The following RAC1 variants were observed in gnomAD, a reference collection of about 807,000 sequenced individuals.
RAC1 encodes Rac family small GTPase 1, also known as ras-related C3 botulinum toxin substrate 1.
Under a neutral mutation model 25.2 loss-of-function variants are expected in RAC1, and 2 were observed. The ratio of observed to expected loss-of-function variants is 0.08; its 90% CI spans 0.03 to 0.25. The LOEUF (loss-of-function observed/expected upper bound fraction) is 0.25. RAC1 is among the 10% of genes least tolerant of loss of function. RAC1 has a pLI of 1.00. For synonymous variants in RAC1, 88 were observed against 94.0 expected (o/e 0.94, Z 0.37); for missense variants, 50 against 235.7 (o/e 0.21, Z 5.16).
At chr7:6,388,970 A>G (rs576379654) in intron 2 of RAC1, among the ~76,000 whole-genome samples, 10 of 149,916 alleles carry the variant, frequency 6.7e-5, no homozygotes, top group Non-Finnish European at 1.0e-4. Context: ...GGAGGCCAAG[A>G]CGGAAGGATC....
rs35767264 is a variant in RAC1 at position 6,375,029 on chromosome 7, C to G, written c.35+259C>G. ...GCTAGAGGGAAAAGTGAACTCCACC[C>G]TCCGGCTTTCTTCCCGGACGCCGCC... On this transcript the variant is annotated intron_variant, in intron 1 of 5. Coordinates refer to ENST00000348035, the MANE Select transcript of RAC1 (RefSeq NM_006908.5). 8.7e-3 allele frequency among the ~76,000 whole-genome samples: 1,315 copies of G among 151,760 alleles called. 24 individuals are homozygous for G. Among genetic ancestry groups the G allele is most frequent in the African/African-American group, 0.03 (1,257 of 41,440 alleles).
At chr7:6,401,432 T>C (rs1235073241) in intron 4 of RAC1, among the ~76,000 whole-genome samples, 1 of 152,224 alleles carries the variant, frequency 6.6e-6, no homozygotes, top group Non-Finnish European at 1.5e-5. Context: ...AGGGGCATTT[T>C]CAGTGGAGAT....
intron 1 of RAC1, among the ~76,000 whole-genome samples, chr7:6,376,176 C>A (rs1298993457): frequency 1.5e-5 from 1 of 65,514 alleles, no homozygotes; most frequent in African/African-American, 6.3e-5. Context: ...GCTATTCAGG[C>A]TTTTTTTTTT....
Position 6,376,672 on chromosome 7 carries a change from G to GT in RAC1, c.35+1920dup, listed in dbSNP as rs71008385. ...GCAAGCCACCATGCCCAGCTAATTT[G>GT]TTTTTTTTTTTTTTTTTTGTATTTT... On this transcript the variant is annotated intron_variant, in intron 1 of 5. Transcript: ENST00000348035. Among the ~76,000 whole-genome samples, 327 of 99,900 alleles carry GT rather than the reference G, an allele frequency of 3.3e-3. 3 individuals carry two copies. Among genetic ancestry groups the GT allele is most frequent in the Middle Eastern group, 6.9e-3 (1 of 144 alleles). 65.5% of individuals were successfully genotyped at this position (99,900 alleles called of 152,430 possible).
intron 2 of RAC1, among the ~76,000 whole-genome samples, chr7:6,389,414 C>T (rs1343920218): frequency 6.6e-6 from 1 of 150,894 alleles, no homozygotes; most frequent in Non-Finnish European, 1.5e-5. Context: ...AAAAAGTTTG[C>T]TCACGCCTGT....
At chr7:6,402,130 G>GC (rs1402519300) in intron 5 of RAC1, 103 bp downstream of exon 5, 1 of 1,460,202 alleles carries the variant, frequency 6.8e-7, no homozygotes, top group African/African-American at 1.4e-5. Flanking sequence ...CCCACTCAGG[G>GC]CCTGGTGTAC....
intron 1 of RAC1, among the ~76,000 whole-genome samples, chr7:6,386,814 GAAAA>G: frequency 6.7e-6 from 1 of 149,520 alleles, no homozygotes; most frequent in South Asian, 2.1e-4. Flanking sequence ...AGAAAAAAAA[GAAAA>G]AAAGAAAATA....
At chr7:6,400,063 G>C (rs1351150694) in intron 3 of RAC1, 63 bp from the exon 4 acceptor site, 1 of 1,445,828 alleles carries the variant, frequency 6.9e-7, no homozygotes, top group Non-Finnish European at 9.7e-7. Context: ...CATGTAGAAA[G>C]CAAAGTGCAT....
chr7:6,382,096 C>T (rs920108230), intron 1 of RAC1, among the ~76,000 whole-genome samples: 4 of 152,054 alleles, frequency 2.6e-5, no homozygotes, highest in South Asian at 2.1e-4. Context: ...TGGCCTCAAG[C>T]GATACTTCTG....
At chr7:6,382,196 T>G (rs1371671879) in intron 1 of RAC1, among the ~76,000 whole-genome samples, 1 of 152,166 alleles carries the variant, frequency 6.6e-6, no homozygotes, top group Non-Finnish European at 1.5e-5. Context: ...AGTTTCGCTG[T>G]GTTGGTCAGT....
At position 6,379,124 on chromosome 7, in the gene RAC1, G is replaced by A. The variant is rs945814318; in HGVS notation, c.35+4354G>A. Among the ~76,000 whole-genome samples the A allele has an allele frequency of 2.6e-5, 4 of 151,938 alleles. No individual in the cohort carries two copies. The East Asian group carries it at 7.7e-4, about 29-fold the overall frequency. On this transcript the variant is annotated intron_variant, in intron 1 of 5. Coordinates refer to ENST00000348035, the MANE Select transcript of RAC1 (RefSeq NM_006908.5). The stretch of plus-strand genomic sequence containing the variant: ...AAAAAAAGACAGCATCTTACATTCA[G>A]GTATTTATAAACAACTTTTATTATT...
At chr7:6,396,805 C>T (rs573237772) in intron 3 of RAC1, among the ~76,000 whole-genome samples, 1 of 152,144 alleles carries the variant, frequency 6.6e-6, no homozygotes, top group East Asian at 1.9e-4. Context: ...CCGAGGTGGG[C>T]GGATCACGAG....
chr7:6,386,860 G>C (rs1051958565), intron 1 of RAC1, among the ~76,000 whole-genome samples: 1 of 151,486 alleles, frequency 6.6e-6, no homozygotes, highest in Non-Finnish European at 1.5e-5. Flanking sequence ...TTCTTGATGA[G>C]AGGCTCTACA....
intron 2 of RAC1, among the ~76,000 whole-genome samples, chr7:6,390,096 C>CTTTTTTTTTTTTTTTTTTTT (rs34547258): frequency 5.3e-5 from 4 of 74,916 alleles, no homozygotes; most frequent in African/African-American, 1.3e-4. Flanking sequence ...CCCTCCCTCC[C>CTTTTTTTTTTTTTTTTTTTT]TTTTTTTTTT....
chr7:6,399,621 C>G (rs533737230), intron 3 of RAC1, among the ~76,000 whole-genome samples: 10 of 152,310 alleles, frequency 6.6e-5, no homozygotes, highest in Non-Finnish European at 1.2e-4. Context: ...GTGCCACTTA[C>G]ACACTAAGTC....
chr7:6,395,059 T>G (rs896450008), intron 3 of RAC1, among the ~76,000 whole-genome samples: 10 of 152,174 alleles, frequency 6.6e-5, no homozygotes, highest in African/African-American at 2.4e-4. Context: ...TTTCACCATG[T>G]TAGCCAGGAT....
At chr7:6,376,660 C>T (rs1782608801) in intron 1 of RAC1, among the ~76,000 whole-genome samples, 1 of 143,898 alleles carries the variant, frequency 6.9e-6, no homozygotes, top group Non-Finnish European at 1.5e-5. Context: ...AGCCACCATG[C>T]CCAGCTAATT....
chr7:6,401,792 G>A (rs1562471041), intron 4 of RAC1, 76 bp from the exon 5 acceptor site: 20 of 1,501,220 alleles, frequency 1.3e-5, no homozygotes, highest in South Asian at 5.2e-5. Context: ...CATGAGTGCC[G>A]CCGGCTGGGT....
intron 1 of RAC1, among the ~76,000 whole-genome samples, chr7:6,375,417 G>A (rs754815968): frequency 3.3e-5 from 5 of 151,888 alleles, no homozygotes; most frequent in Non-Finnish European, 7.4e-5. Flanking sequence ...GTAGAAATGG[G>A]GTCTCACTGT....
Sources: gnomAD v4.1 joint callset for allele counts (sites outside exome capture counted in the v4.1 genomes callset) on GRCh38, gnomAD v4.1.1 for gene constraint, MANE v1.5 for transcripts, NCBI Gene and HGNC (gene_info 2026-07-23, HGNC 2026-07-21) for gene names.